Variants in C3orf70 observed in about 807,000 individuals in gnomAD.
C3orf70 encodes UPF0524 protein C3orf70.
A neutral mutation model predicts 20.7 loss-of-function variants in C3orf70; 15 were observed. The observed-to-expected ratio is 0.72, with a 90% CI of 0.48 to 1.11. The LOEUF (loss-of-function observed/expected upper bound fraction) is 1.11, where lower values mean the gene tolerates loss of function less well. Among genes scored for constraint, C3orf70 ranks in the 50% most tolerant of loss-of-function variants. The pLI, the probability that C3orf70 is intolerant of heterozygous loss-of-function variation, is 0.00. For synonymous variants in C3orf70, 161 were observed against 125.7 expected, an observed-to-expected ratio of 1.28 and a Z score of -1.88; for missense variants, 332 against 317.6, an observed-to-expected ratio of 1.05 and a Z score of -0.34.
intron 1 of C3orf70, among the ~76,000 whole-genome samples, chr3:185,113,449 G>GT (rs890091916): frequency 2.0e-5 from 3 of 152,182 alleles, no homozygotes; most frequent in African/African-American, 7.2e-5. Context: ...ATGGCTGAAA[G>GT]TAAGTGTCTG....
At chr3:185,105,212 C>G (rs1372927940) in intron 1 of C3orf70, among the ~76,000 whole-genome samples, 1 of 152,226 alleles carries the variant, frequency 6.6e-6, no homozygotes. Context: ...GTGTTGGGAG[C>G]AGGCCCCCCA....
chr3:185,150,003 C>T (rs2111668), intron 1 of C3orf70, among the ~76,000 whole-genome samples: 124,406 of 152,066 alleles, frequency 0.82, 50,969 homozygotes, highest in Non-Finnish European at 0.84. Context: ...ACCAGATTAA[C>T]CTAATTTCTT....
At chr3:185,146,031 GGAAGAACCTATCAGCTTTCTCTGTCTCTC>G (rs1561370554) in intron 1 of C3orf70, among the ~76,000 whole-genome samples, 10 of 151,714 alleles carry the variant, frequency 6.6e-5, no homozygotes, top group Middle Eastern at 3.2e-3. Flanking sequence ...CTCTATCTCT[GGAAGAACCTATCAGCTTTCTCTGTCTCTC>G]GAAGAACCTA....
At chr3:185,102,621 C>A (rs1324223815) in intron 1 of C3orf70, among the ~76,000 whole-genome samples, 1 of 152,120 alleles carries the variant, frequency 6.6e-6, no homozygotes, top group Non-Finnish European at 1.5e-5. Flanking sequence ...GCAAAAAGAA[C>A]AAAGCTGGAG....
rs11922678 is a variant in C3orf70, at chr3:185,145,989, T to G, written c.196+6639A>C. 3.3e-3 allele frequency among the ~76,000 whole-genome samples: 483 copies of G among 148,318 alleles called. 9 individuals carry two copies. The highest frequency in any genetic ancestry group is 0.012 in the African/African-American group (442 of 37,918). On this transcript the variant is annotated intron_variant, in intron 1 of 1. Transcript: ENST00000335012. ...TCTATCTCTGGAAGAACCTATCAGC[T>G]TTCTCTATCTCTGGAAGAACCTATC...
chr3:185,122,132 A>G (rs1260057242), intron 1 of C3orf70, among the ~76,000 whole-genome samples: 4 of 151,922 alleles, frequency 2.6e-5, no homozygotes, highest in African/African-American at 9.7e-5. Flanking sequence ...AGTATAAAGG[A>G]AATATACTAT....
At chr3:185,109,430 T>G (rs1186966422) in intron 1 of C3orf70, among the ~76,000 whole-genome samples, 2 of 152,156 alleles carry the variant, frequency 1.3e-5, no homozygotes, top group African/African-American at 4.8e-5. Context: ...AGGAAGAGAT[T>G]CTGGGAGGAT....
chr3:185,100,772 AAATT>A (rs1478765516), intron 1 of C3orf70, among the ~76,000 whole-genome samples: 2 of 152,146 alleles, frequency 1.3e-5, no homozygotes, highest in Non-Finnish European at 2.9e-5. Flanking sequence ...TGAAAAAAAA[AAATT>A]AACAAAATAG....
chr3:185,139,369 AT>A (rs1282935179), intron 1 of C3orf70, among the ~76,000 whole-genome samples: 1 of 151,940 alleles, frequency 6.6e-6, no homozygotes, highest in African/African-American at 2.4e-5. Context: ...CCTGGCCAAC[AT>A]GGTGAAACCC....
At chr3:185,126,516 A>G (rs1468566207) in intron 1 of C3orf70, among the ~76,000 whole-genome samples, 1 of 152,218 alleles carries the variant, frequency 6.6e-6, no homozygotes, top group Non-Finnish European at 1.5e-5. Context: ...ACAAGCAGCC[A>G]GGAAGAAATA....
At chr3:185,148,893 G>C (rs866446742) in intron 1 of C3orf70, among the ~76,000 whole-genome samples, 7 of 152,244 alleles carry the variant, frequency 4.6e-5, no homozygotes, top group Non-Finnish European at 1.0e-4. Context: ...TTATGGACAT[G>C]TACATATTTT....
intron 1 of C3orf70, among the ~76,000 whole-genome samples, chr3:185,144,704 T>C (rs1716820280): frequency 9.7e-6 from 1 of 103,288 alleles, no homozygotes; most frequent in Non-Finnish European, 2.0e-5. Context: ...ACTCCTGACC[T>C]CAGGTGATCC....
At chr3:185,118,038 C>T (rs903009918) in intron 1 of C3orf70, among the ~76,000 whole-genome samples, 3 of 152,248 alleles carry the variant, frequency 2.0e-5, no homozygotes, top group South Asian at 2.1e-4. Flanking sequence ...ATAGTTTTTA[C>T]AATTTTTTGT....
chr3:185,118,954 A>T (rs1195110307), intron 1 of C3orf70, among the ~76,000 whole-genome samples: 5 of 152,232 alleles, frequency 3.3e-5, no homozygotes, highest in Non-Finnish European at 5.9e-5. Context: ...GACGATGGTA[A>T]TGATGTCTGT....
chr3:185,126,550 GAA>G (rs1226111663), intron 1 of C3orf70, among the ~76,000 whole-genome samples: 1 of 152,144 alleles, frequency 6.6e-6, no homozygotes, highest in Non-Finnish European at 1.5e-5. Context: ...ATAAAAAACA[GAA>G]AGTTACAATG....
Position 185,080,175 on chromosome 3 carries a change from A to C in C3orf70, c.*2832T>G, listed in dbSNP as rs1191617404. On this transcript the variant is annotated 3_prime_UTR_variant, in exon 2 of 2. Coordinates refer to ENST00000335012, the MANE Select transcript of C3orf70 (RefSeq NM_001025266.3). ...CAGGAGTGTCTGATGCTTAGAATCC[A>C]ATGGAATGTCTCTAATTCTATATAG... 6.5e-6 allele frequency: 1 copy of C among 152,682 alleles called. No homozygotes were observed. Among genetic ancestry groups the C allele is most frequent in the Non-Finnish European group, 1.5e-5 (1 of 68,042 alleles). 9.5% of individuals were successfully genotyped at this position (152,682 alleles called of 1,614,324 possible).
At chr3:185,130,396 G>C (rs1577331456) in intron 1 of C3orf70, among the ~76,000 whole-genome samples, 1 of 152,332 alleles carries the variant, frequency 6.6e-6, no homozygotes, top group East Asian at 1.9e-4. Flanking sequence ...AGAGCGTGCA[G>C]TGAGCCGAGA....
chr3:185,097,065 T>C (rs1047165804), intron 1 of C3orf70, among the ~76,000 whole-genome samples: 4 of 152,178 alleles, frequency 2.6e-5, no homozygotes, highest in African/African-American at 7.2e-5. Context: ...AATAATACTC[T>C]ATATTAAACT....
At chr3:185,108,357 A>C (rs537431067) in intron 1 of C3orf70, among the ~76,000 whole-genome samples, 56 of 152,328 alleles carry the variant, frequency 3.7e-4, no homozygotes, top group African/African-American at 9.9e-4. Context: ...ACTGCTTTTG[A>C]TATGCCTATT....
Sources: gnomAD v4.1 joint callset for allele counts (sites outside exome capture counted in the v4.1 genomes callset) on GRCh38, gnomAD v4.1.1 for gene constraint, MANE v1.5 for transcripts, NCBI Gene and HGNC (gene_info 2026-07-23, HGNC 2026-07-21) for gene names.